Variants in EGFLAM observed in about 807,000 individuals in gnomAD.
EGFLAM encodes the protein pikachurin.
EGFLAM carries 79 observed loss-of-function variants against 113.1 expected under a neutral mutation model. That is an observed-to-expected ratio of 0.70 (90% CI 0.58 to 0.84). The LOEUF is 0.84. EGFLAM is among the 40% of genes least tolerant of loss of function. EGFLAM has a pLI of 0.00. For missense variants in EGFLAM, 1,265 were observed against 1,291.6 expected (o/e 0.98, Z 0.32); for synonymous variants, 504 against 487.6 (o/e 1.03, Z -0.44).
At chr5:38,374,535 A>G (rs547102024) in intron 6 of EGFLAM, among the ~76,000 whole-genome samples, 6 of 152,150 alleles carry the variant, frequency 3.9e-5, no homozygotes, top group Non-Finnish European at 8.8e-5. Context: ...CTATCCATCC[A>G]GTAAAAGGTC....
intron 3 of EGFLAM, among the ~76,000 whole-genome samples, chr5:38,348,430 A>G (rs970206392): frequency 6.6e-6 from 1 of 152,174 alleles, no homozygotes; most frequent in Non-Finnish European, 1.5e-5. Context: ...GAACACGAGA[A>G]GTAGAAGGTG....
chr5:38,340,727 A>G (rs1202655146), intron 3 of EGFLAM, among the ~76,000 whole-genome samples: 1 of 151,998 alleles, frequency 6.6e-6, no homozygotes, highest in African/African-American at 2.4e-5. Flanking sequence ...GGCAGACTCA[A>G]GGGAGGGACA....
chr5:38,416,397 G>C (rs905476299), intron 11 of EGFLAM, among the ~76,000 whole-genome samples: 3 of 152,228 alleles, frequency 2.0e-5, no homozygotes, highest in Admixed American at 1.3e-4. Flanking sequence ...TGATCCAGTA[G>C]AGGAGCTCTG....
At chr5:38,319,691 G>A (rs965786253) in intron 1 of EGFLAM, among the ~76,000 whole-genome samples, 2 of 152,190 alleles carry the variant, frequency 1.3e-5, no homozygotes, top group Non-Finnish European at 2.9e-5. Flanking sequence ...TGGAATGCTT[G>A]GCATTTGGGG....
intron 5 of EGFLAM, among the ~76,000 whole-genome samples, chr5:38,364,959 G>C (rs1056080636): frequency 6.6e-6 from 1 of 152,164 alleles, no homozygotes; most frequent in Non-Finnish European, 1.5e-5. Flanking sequence ...GGAGGCCACA[G>C]GTGTCTGTCT....
chr5:38,420,624 C>T (rs1741790976), intron 12 of EGFLAM, among the ~76,000 whole-genome samples: 1 of 152,156 alleles, frequency 6.6e-6, no homozygotes, highest in African/African-American at 2.4e-5. Flanking sequence ...GTAAATGTTT[C>T]CTGTTATTAA....
At chr5:38,365,016 T>G (rs1740022777) in intron 5 of EGFLAM, among the ~76,000 whole-genome samples, 1 of 152,096 alleles carries the variant, frequency 6.6e-6, no homozygotes, top group Non-Finnish European at 1.5e-5. Flanking sequence ...GCCAGTAGAG[T>G]GGCCTCTATG....
chr5:38,318,272 ACTAT>A (rs1480280225), intron 1 of EGFLAM, among the ~76,000 whole-genome samples: 1 of 151,660 alleles, frequency 6.6e-6, no homozygotes, highest in Non-Finnish European at 1.5e-5. Flanking sequence ...ACTATAGTAT[ACTAT>A]CTAACTATAG....
chr5:38,366,688 G>C (rs948733587), intron 5 of EGFLAM, among the ~76,000 whole-genome samples: 1 of 152,164 alleles, frequency 6.6e-6, no homozygotes, highest in African/African-American at 2.4e-5. Flanking sequence ...GACCATGTAG[G>C]TAGAATGAGA....
At chr5:38,445,821 G>A (rs1467998633) in intron 17 of EGFLAM, 13 of 1,120,336 alleles carry the variant, frequency 1.2e-5, no homozygotes, top group Non-Finnish European at 1.3e-5. Context: ...ACGCGTGGTG[G>A]GAAGCCTCCC....
chr5:38,350,730 G>A (rs111257461), intron 4 of EGFLAM, 112 bp downstream of exon 4: 6 of 994,894 alleles, frequency 6.0e-6, no homozygotes, highest in Non-Finnish European at 8.8e-6. Context: ...TAGGCTCTGG[G>A]AATTCAGTAG....
intron 6 of EGFLAM, among the ~76,000 whole-genome samples, chr5:38,393,210 A>G (rs1040249812): frequency 3.3e-5 from 5 of 152,200 alleles, no homozygotes; most frequent in Non-Finnish European, 7.4e-5. Context: ...CATCTTTATG[A>G]TATAGAATCA....
At chr5:38,293,715 G>GA (rs1178269340) in intron 1 of EGFLAM, among the ~76,000 whole-genome samples, 3 of 152,088 alleles carry the variant, frequency 2.0e-5, no homozygotes, top group African/African-American at 7.2e-5. Flanking sequence ...CATTACTCTT[G>GA]AAAATCTTTA....
chr5:38,298,604 A>G (rs2111817910), intron 1 of EGFLAM, among the ~76,000 whole-genome samples: 1 of 152,346 alleles, frequency 6.6e-6, no homozygotes, highest in African/African-American at 2.4e-5. Context: ...TAAATCACCA[A>G]AATAAATATC....
At chr5:38,446,421 T>C (rs1009870144) in intron 17 of EGFLAM, among the ~76,000 whole-genome samples, 2 of 152,256 alleles carry the variant, frequency 1.3e-5, no homozygotes, top group South Asian at 2.1e-4. Flanking sequence ...GCGTCCCTTC[T>C]TTCTCATTCA....
intron 1 of EGFLAM, chr5:38,290,929 A>G (rs1262121960): frequency 6.6e-6 from 1 of 152,168 alleles, no homozygotes; most frequent in African/African-American, 2.4e-5. Flanking sequence ...AAATACTTAA[A>G]AAATTAGCCG....
chr5:38,348,331 A>C (rs1004918172), intron 3 of EGFLAM, among the ~76,000 whole-genome samples: 7 of 152,094 alleles, frequency 4.6e-5, no homozygotes, highest in South Asian at 2.1e-4. Context: ...GAGGGAGAAG[A>C]GAAGATGGTG....
At chr5:38,401,550 G>A (rs1741112996) in intron 6 of EGFLAM, among the ~76,000 whole-genome samples, 1 of 152,136 alleles carries the variant, frequency 6.6e-6, no homozygotes, top group Admixed American at 6.5e-5. Flanking sequence ...GAAAAGGACA[G>A]GATTGGTGGC....
chr5:38,457,164 G>C (rs1196228804), intron 19 of EGFLAM, among the ~76,000 whole-genome samples: 1 of 152,182 alleles, frequency 6.6e-6, no homozygotes, highest in Non-Finnish European at 1.5e-5. Context: ...TTCTACATTA[G>C]GTTTGTGATT....
Sources: gnomAD v4.1 joint callset for allele counts (sites outside exome capture counted in the v4.1 genomes callset) on GRCh38, gnomAD v4.1.1 for gene constraint, MANE v1.5 for transcripts, NCBI Gene and HGNC (gene_info 2026-07-23, HGNC 2026-07-21) for gene names.